GALNT7: variants seen among roughly 807,000 people sequenced by gnomAD.
The protein encoded by GALNT7 is N-acetylgalactosaminyltransferase 7.
Under a neutral mutation model 82.1 loss-of-function variants are expected in GALNT7, and 60 were observed. The observed-to-expected ratio is 0.73, with a 90% confidence interval of 0.59 to 0.91. GALNT7 has a LOEUF of 0.91. GALNT7 is among the 40% of genes least tolerant of loss of function. The pLI is 0.00. For missense variants in GALNT7, 660 were observed against 804.2 expected (o/e 0.82, Z 2.17); for synonymous variants, 243 against 275.1 (o/e 0.88, Z 1.15).
intron 1 of GALNT7, among the ~76,000 whole-genome samples, chr4:173,184,057 C>G (rs572392810): frequency 6.6e-6 from 1 of 151,784 alleles, no homozygotes; most frequent in African/African-American, 2.4e-5. Flanking sequence ...CGGGCAGAGA[C>G]GCTCCTCACT....
chr4:173,317,632 A>T lies in GALNT7; in HGVS notation c.1609-2A>T. The T allele has an allele frequency of 6.3e-7, 1 of 1,592,254 alleles. No individual in the cohort carries two copies. The highest frequency in any genetic ancestry group is 8.6e-7 in the Non-Finnish European group (1 of 1,160,760). On this transcript the variant is annotated splice_acceptor_variant, in intron 9 of 11. Transcript: ENST00000265000. LOFTEE classifies it high-confidence loss of function. Reference sequence around the variant, plus strand: ...TTTTTGCGTCTTTATTCATTTTTTTAGATCAGAGGCTTCGAAACTGCTTAC... The same window carrying T: ...TTTTTGCGTCTTTATTCATTTTTTTTGATCAGAGGCTTCGAAACTGCTTAC...
intron 1 of GALNT7, among the ~76,000 whole-genome samples, chr4:173,245,391 C>A (rs1483034078): frequency 1.3e-5 from 2 of 152,122 alleles, no homozygotes; most frequent in East Asian, 3.8e-4. Flanking sequence ...CATGTACTAT[C>A]ATATTCTATA....
At chr4:173,309,475 A>G (rs1374151135) in intron 8 of GALNT7, among the ~76,000 whole-genome samples, 1 of 152,184 alleles carries the variant, frequency 6.6e-6, no homozygotes, top group Non-Finnish European at 1.5e-5. Context: ...TAGGGGTGGC[A>G]TTTATTTATG....
intron 2 of GALNT7, among the ~76,000 whole-genome samples, chr4:173,248,657 C>T (rs1734747922): frequency 2.0e-5 from 3 of 152,272 alleles, no homozygotes; most frequent in South Asian, 4.1e-4. Flanking sequence ...GGGCCCTCTA[C>T]GTCAGTGCTA....
intron 2 of GALNT7, among the ~76,000 whole-genome samples, chr4:173,259,113 G>T (rs942175236): frequency 6.6e-6 from 1 of 152,146 alleles, no homozygotes; most frequent in East Asian, 1.9e-4. Context: ...GCCCCCTGGG[G>T]GGCAAAATCA....
At chr4:173,207,545 C>T (rs1733138605) in intron 1 of GALNT7, among the ~76,000 whole-genome samples, 1 of 152,140 alleles carries the variant, frequency 6.6e-6, no homozygotes, top group Non-Finnish European at 1.5e-5. Flanking sequence ...AGCTAATCCT[C>T]TATTAAGGTT....
intron 6 of GALNT7, among the ~76,000 whole-genome samples, chr4:173,300,903 G>C (rs1323837241): frequency 6.6e-6 from 1 of 152,130 alleles, no homozygotes; most frequent in East Asian, 1.9e-4. Context: ...GGAGGCCTAG[G>C]CAGGTGGAAC....
rs1732419775 is a variant in GALNT7 at position 173,184,893 on chromosome 4, C to T, written c.126+15932C>T. ...CATTGGGCCACTTGCCACAGTTTTA[C>T]ATGATAACCATATTTAAGTGGTAAA... is the stretch of plus-strand genomic sequence containing the variant. On this transcript the variant is annotated intron_variant, in intron 1 of 11. Transcript: ENST00000265000. Among the ~76,000 whole-genome samples, 2 of 152,166 alleles carry T rather than the reference C, an allele frequency of 1.3e-5. 1 individual carries two copies. The highest frequency in any genetic ancestry group is 4.1e-4 in the South Asian group (2 of 4,826).
chr4:173,178,301 AC>A (rs530445166), intron 1 of GALNT7, among the ~76,000 whole-genome samples: 48 of 152,318 alleles, frequency 3.2e-4, no homozygotes, highest in African/African-American at 1.0e-3. Context: ...TATTAAAAAA[AC>A]AATAGCAAAA....
At chr4:173,227,516 A>G (rs1004546140) in intron 1 of GALNT7, among the ~76,000 whole-genome samples, 4 of 152,140 alleles carry the variant, frequency 2.6e-5, no homozygotes, top group Non-Finnish European at 5.9e-5. Context: ...TATTTTTAGT[A>G]GAGACGGGGT....
At chr4:173,214,225 T>TATTCTTTA (rs1349363533) in intron 1 of GALNT7, among the ~76,000 whole-genome samples, 1 of 152,032 alleles carries the variant, frequency 6.6e-6, no homozygotes, top group Non-Finnish European at 1.5e-5. Context: ...TAAAGAAGTT[T>TATTCTTTA]AAGTGTTGTA....
At chr4:173,207,334 A>G (rs1046107447) in intron 1 of GALNT7, among the ~76,000 whole-genome samples, 2 of 152,232 alleles carry the variant, frequency 1.3e-5, no homozygotes, top group African/African-American at 4.8e-5. Flanking sequence ...TAAAATAATT[A>G]CCACCCAAAG....
intron 9 of GALNT7, among the ~76,000 whole-genome samples, chr4:173,314,661 G>C (rs1395704978): frequency 6.6e-6 from 1 of 152,150 alleles, no homozygotes. Flanking sequence ...GACTGATGCA[G>C]GGACCCATAT....
At chr4:173,216,920 G>A (rs1176455107) in intron 1 of GALNT7, among the ~76,000 whole-genome samples, 2 of 150,646 alleles carry the variant, frequency 1.3e-5, no homozygotes, top group African/African-American at 2.4e-5. Flanking sequence ...TAGTAGAGAC[G>A]AGGTTTCACC....
At chr4:173,313,062 A>C (rs932780503) in intron 8 of GALNT7, among the ~76,000 whole-genome samples, 15 of 151,804 alleles carry the variant, frequency 9.9e-5, no homozygotes, top group African/African-American at 3.6e-4. Context: ...CCATCTCAAA[A>C]ATATATATTT....
At chr4:173,225,045 TAA>T (rs1491523678) in intron 1 of GALNT7, among the ~76,000 whole-genome samples, 20 of 148,824 alleles carry the variant, frequency 1.3e-4, no homozygotes, top group African/African-American at 3.2e-4. Flanking sequence ...ATAATAATAA[TAA>T]TAATTATAAT....
At chr4:173,233,424 T>C (rs891447371) in intron 1 of GALNT7, among the ~76,000 whole-genome samples, 2 of 152,220 alleles carry the variant, frequency 1.3e-5, no homozygotes, top group African/African-American at 4.8e-5. Context: ...GATAAGAACC[T>C]TTCTGACTCA....
chr4:173,274,590 T>A (rs1735835054), intron 2 of GALNT7, among the ~76,000 whole-genome samples: 1 of 152,172 alleles, frequency 6.6e-6, no homozygotes, highest in Admixed American at 6.5e-5. Flanking sequence ...TTTCTTTATA[T>A]ATAAAATGAA....
chr4:173,319,070 T>C (rs1737710987), intron 11 of GALNT7, among the ~76,000 whole-genome samples: 1 of 152,108 alleles, frequency 6.6e-6, no homozygotes, highest in Non-Finnish European at 1.5e-5. Context: ...TAAATGTAGC[T>C]AGTTGCTTAC....
Sources: allele counts gnomAD v4.1 joint callset (sites outside exome capture counted in the v4.1 genomes callset), GRCh38; gene constraint gnomAD v4.1.1; transcripts MANE v1.5; gene names NCBI Gene and HGNC (gene_info 2026-07-23, HGNC 2026-07-21).